The following CSMD1 variants were observed in gnomAD, a reference collection of about 807,000 sequenced individuals.
The protein encoded by CSMD1 is CUB and sushi domain-containing protein 1.
CSMD1 carries 213 observed loss-of-function variants against 417.5 expected under a neutral mutation model. The observed-to-expected ratio is 0.51, with a 90% CI of 0.46 to 0.57. The LOEUF is 0.57. Ranked by LOEUF, CSMD1 falls within the 20% of genes least tolerant of loss-of-function variation. The pLI, the probability that CSMD1 is intolerant of heterozygous loss-of-function variation, is 0.00. For missense variants in CSMD1, 6,923 were observed against 4,529.7 expected, an observed-to-expected ratio of 1.53 and a Z score of -15.17; for synonymous variants, 2,862 against 1,736.8, an observed-to-expected ratio of 1.65 and a Z score of -16.11.
intron 23 of CSMD1, among the ~76,000 whole-genome samples, chr8:3,341,143 G>A (rs1299338790): frequency 6.6e-6 from 1 of 152,092 alleles, no homozygotes. Flanking sequence ...TATCCATGTG[G>A]GGTCCAGGCA....
At chr8:4,201,429 T>G (rs896937106) in intron 3 of CSMD1, among the ~76,000 whole-genome samples, 1 of 151,108 alleles carries the variant, frequency 6.6e-6, no homozygotes, top group Non-Finnish European at 1.5e-5. Context: ...TCCCAGCTAC[T>G]CAGGAGGCTG....
At chr8:4,492,316 C>T (rs1801746025) in intron 2 of CSMD1, among the ~76,000 whole-genome samples, 2 of 152,082 alleles carry the variant, frequency 1.3e-5, no homozygotes, top group Non-Finnish European at 2.9e-5. Context: ...TCTCAAACTC[C>T]TCGCCTCAGG....
At chr8:4,372,727 C>G (rs941561358) in intron 3 of CSMD1, among the ~76,000 whole-genome samples, 1 of 142,066 alleles carries the variant, frequency 7.0e-6, no homozygotes, top group East Asian at 2.0e-4. Flanking sequence ...CTGTCCAAAC[C>G]TAGAAAATGG....
At chr8:4,035,900 TCACA>T (rs1246920468) in intron 3 of CSMD1, among the ~76,000 whole-genome samples, 2 of 152,180 alleles carry the variant, frequency 1.3e-5, no homozygotes, top group South Asian at 4.1e-4. Context: ...CACCCCTCAC[TCACA>T]CACAGACTCA....
intron 3 of CSMD1, among the ~76,000 whole-genome samples, chr8:4,378,604 G>T (rs1181421113): frequency 6.6e-6 from 1 of 152,186 alleles, no homozygotes; most frequent in African/African-American, 2.4e-5. Flanking sequence ...AGTCAAAAAG[G>T]ATGCTAAAAC....
chr8:3,557,770 G>C (rs1425224439), intron 10 of CSMD1, among the ~76,000 whole-genome samples: 2 of 152,104 alleles, frequency 1.3e-5, no homozygotes, highest in Non-Finnish European at 2.9e-5. Flanking sequence ...CACAGGTTTT[G>C]GTTTGCCTAG....
At chr8:4,782,353 C>G (rs1428723427) in intron 1 of CSMD1, among the ~76,000 whole-genome samples, 2 of 152,112 alleles carry the variant, frequency 1.3e-5, no homozygotes, top group African/African-American at 4.8e-5. Context: ...ATTAAAACTA[C>G]TGATTATACC....
intron 2 of CSMD1, among the ~76,000 whole-genome samples, chr8:4,478,227 A>T (rs1015395626): frequency 6.6e-6 from 1 of 152,158 alleles, no homozygotes; most frequent in Non-Finnish European, 1.5e-5. Flanking sequence ...TCATGTTAAT[A>T]CTGAAAAGCT....
In CSMD1 at chr8:3,998,085, T is replaced by C; in HGVS notation, c.636A>G (p.Leu212=). ...TGGAGATGGAGCTGCTGGTCCCGCG[T>C]AAGGTTCCTCCGCAGGCTCCCTCAG... is the stretch of plus-strand genomic sequence containing the variant. The part of the protein sequence containing the change: ...CRAEGACGGT[L]RGTSSSISSP... Residue 212 remains leucine (L), a synonymous_variant, in exon 5 of 70, where the codon TTA becomes TTG. Coordinates refer to ENST00000635120, the MANE Select transcript of CSMD1 (RefSeq NM_033225.6). 1 of 1,581,992 alleles carries C rather than the reference T, an allele frequency of 6.3e-7. No homozygotes were observed. The highest frequency in any genetic ancestry group is 8.6e-7 in the Non-Finnish European group (1 of 1,163,200).
At chr8:4,102,190 T>C (rs1202276376) in intron 3 of CSMD1, among the ~76,000 whole-genome samples, 1 of 152,242 alleles carries the variant, frequency 6.6e-6, no homozygotes, top group East Asian at 1.9e-4. Context: ...TGTTAAATGC[T>C]TTATTGTCTC....
chr8:4,509,135 A>T (rs35406949), intron 2 of CSMD1, among the ~76,000 whole-genome samples: 1 of 152,200 alleles, frequency 6.6e-6, no homozygotes, highest in African/African-American at 2.4e-5. Flanking sequence ...AGTAAAATAA[A>T]CAATAGACCT....
chr8:3,310,112 G>C (rs1805208644), intron 23 of CSMD1, among the ~76,000 whole-genome samples: 2 of 152,188 alleles, frequency 1.3e-5, no homozygotes, highest in African/African-American at 2.4e-5. Context: ...AGGGGAGGTA[G>C]AAATTAGGGG....
At chr8:4,325,641 C>A (rs1189908568) in intron 3 of CSMD1, among the ~76,000 whole-genome samples, 1 of 152,002 alleles carries the variant, frequency 6.6e-6, no homozygotes, top group South Asian at 2.1e-4. Flanking sequence ...CCCAAACTAC[C>A]CAAATTACAC....
intron 3 of CSMD1, among the ~76,000 whole-genome samples, chr8:4,287,223 T>G (rs990653788): frequency 4.6e-5 from 7 of 152,222 alleles, no homozygotes; most frequent in Admixed American, 4.6e-4. Context: ...ATATCTTGCC[T>G]CTATTTCCTG....
chr8:4,354,187 C>G (rs185787542), intron 3 of CSMD1, among the ~76,000 whole-genome samples: 1 of 152,204 alleles, frequency 6.6e-6, no homozygotes, highest in African/African-American at 2.4e-5. Context: ...AACATGTCCA[C>G]AAGCACATCT....
At chr8:2,983,835 A>G (rs535282998) in intron 54 of CSMD1, among the ~76,000 whole-genome samples, 2 of 152,184 alleles carry the variant, frequency 1.3e-5, no homozygotes, top group African/African-American at 2.4e-5. Context: ...CCATGGAAAT[A>G]AAGCTTAGTT....
chr8:4,885,456 C>G (rs997270872), intron 1 of CSMD1, among the ~76,000 whole-genome samples: 1 of 152,020 alleles, frequency 6.6e-6, no homozygotes, highest in Non-Finnish European at 1.5e-5. Context: ...TAAGTATAAT[C>G]TTACATGTGC....
chr8:4,692,752 G>C (rs1369817623), intron 1 of CSMD1, among the ~76,000 whole-genome samples: 1 of 152,176 alleles, frequency 6.6e-6, no homozygotes, highest in African/African-American at 2.4e-5. Context: ...CTCACATCAT[G>C]CCTAATTCTA....
At chr8:4,852,533 C>A (rs540512165) in intron 1 of CSMD1, among the ~76,000 whole-genome samples, 1 of 152,118 alleles carries the variant, frequency 6.6e-6, no homozygotes, top group Non-Finnish European at 1.5e-5. Flanking sequence ...AGTTACCTAG[C>A]CTTGGGTATT....
Sources: gnomAD v4.1 joint callset for allele counts (sites outside exome capture counted in the v4.1 genomes callset) on GRCh38, gnomAD v4.1.1 for gene constraint, MANE v1.5 for transcripts, NCBI Gene and HGNC (gene_info 2026-07-23, HGNC 2026-07-21) for gene names.